The following KIF21A variants were observed in gnomAD, a reference collection of about 807,000 sequenced individuals.
KIF21A encodes kinesin family member 21A, also known as kinesin-like protein KIF21A.
A neutral mutation model predicts 202.9 loss-of-function variants in KIF21A; 114 were observed. The observed-to-expected ratio is 0.56, with a 90% CI of 0.48 to 0.66. The LOEUF (loss-of-function observed/expected upper bound fraction) is 0.66. Among genes scored for constraint, KIF21A ranks in the 30% least tolerant of loss-of-function variants. KIF21A has a pLI of 0.00. For missense variants in KIF21A, 1,677 were observed against 1,994.9 expected (o/e 0.84, Z 3.04); for synonymous variants, 667 against 670.8 (o/e 0.99, Z 0.09).
intron 1 of KIF21A, among the ~76,000 whole-genome samples, chr12:39,381,461 G>T (rs1950611250): frequency 6.6e-6 from 1 of 151,928 alleles, no homozygotes; most frequent in African/African-American, 2.4e-5. Context: ...TTGCTTCCTA[G>T]AAATCAAAAT....
rs776188144 is a variant in KIF21A, at chr12:39,326,391, A to G, written c.3341-67T>C. The stretch of plus-strand genomic sequence containing the variant: ...ACAGTTTGAATGGTGACTGCAATCC[A>G]TAGGCTGTAATAAACAACAGCTCAA... On this transcript the variant is annotated intron_variant, in intron 24 of 37. Transcript: ENST00000361418. 2.9e-6 allele frequency: 3 copies of G among 1,039,114 alleles called. No homozygotes were observed. The African/African-American group carries it at 4.7e-5, about 16-fold the overall frequency. 64.4% of individuals were successfully genotyped at this position (1,039,114 alleles called of 1,614,324 possible).
intron 37 of KIF21A, among the ~76,000 whole-genome samples, chr12:39,300,101 A>G (rs1292349506): frequency 6.6e-6 from 1 of 152,164 alleles, no homozygotes; most frequent in Non-Finnish European, 1.5e-5. Flanking sequence ...CCTGAACCTA[A>G]AATAAAAGTA....
rs965002733 is a variant in KIF21A at position 39,325,994 on chromosome 12, TG to T, written c.3402-102del. The T allele has an allele frequency of 1.1e-4, 91 of 822,484 alleles. No individual in the cohort carries two copies. The African/African-American group carries it at 1.5e-3, about 13-fold the overall frequency. 50.9% of individuals were successfully genotyped at this position (822,484 alleles called of 1,614,324 possible). On this transcript the variant is annotated intron_variant, in intron 25 of 37. Coordinates refer to ENST00000361418, the MANE Select transcript of KIF21A (RefSeq NM_001173464.2). ...CGACTACAAAAAATTTATATGCCTA[TG>T]GGAAATACAGAAAGACAATATTTAA...
chr12:39,301,709 T>C, intron 36 of KIF21A, 30 bp from the exon 37 acceptor site: 1 of 1,561,570 alleles, frequency 6.4e-7, no homozygotes, highest in South Asian at 1.1e-5. Context: ...ATCAGCAGCT[T>C]AAGGAGAGCT....
At chr12:39,317,376 A>G (rs1944667803) in intron 29 of KIF21A, among the ~76,000 whole-genome samples, 1 of 152,128 alleles carries the variant, frequency 6.6e-6, no homozygotes, top group African/African-American at 2.4e-5. Context: ...GTCCAAGCAG[A>G]CAAGTCAGAG....
intron 1 of KIF21A, among the ~76,000 whole-genome samples, chr12:39,421,742 T>TATATACAC (rs1555200427): frequency 2.1e-4 from 30 of 143,014 alleles, no homozygotes; most frequent in Non-Finnish European, 4.3e-4. Context: ...TATATATATA[T>TATATACAC]ACACATACAC....
intron 1 of KIF21A, among the ~76,000 whole-genome samples, chr12:39,418,625 G>A (rs1392565965): frequency 6.6e-6 from 1 of 152,196 alleles, no homozygotes; most frequent in East Asian, 1.9e-4. Context: ...TATGAATGGT[G>A]AGCACTCAAG....
In KIF21A at chr12:39,416,813, G is replaced by GTATATATATATA. The variant is rs531554239; in HGVS notation, c.44+26113_44+26114insTATATATATATA. Among the ~76,000 whole-genome samples, 9 of 98,692 alleles carry GTATATATATATA rather than the reference G, an allele frequency of 9.1e-5. 1 individual carries two copies. The South Asian group carries it at 1.8e-3, about 20-fold the overall frequency. The allele number at this position is 98,692 out of a possible 152,430, so 64.7% of individuals were successfully genotyped here. ...TGTATATATATGTACATATATATGT[G>GTATATATATATA]TGTATATATGTACATATATGTGTAT... On this transcript the variant is annotated intron_variant, in intron 1 of 37. Transcript: ENST00000361418.
chr12:39,348,882 A>G (rs1002117398), intron 11 of KIF21A, among the ~76,000 whole-genome samples: 1 of 151,966 alleles, frequency 6.6e-6, no homozygotes, highest in Non-Finnish European at 1.5e-5. Flanking sequence ...GGATTAATGT[A>G]CTCTCTTTAA....
chr12:39,297,526 G>T lies in KIF21A; in HGVS notation c.4932-3009C>A, dbSNP rs553312259. The stretch of plus-strand genomic sequence containing the variant: ...ACCGCATATTCTCACTCATAGGTGG[G>T]AAGTGAACAATGAGAACACATGGAC... On this transcript the variant is annotated intron_variant, in intron 37 of 37. Coordinates refer to ENST00000361418, the MANE Select transcript of KIF21A (RefSeq NM_001173464.2). Among the ~76,000 whole-genome samples, 7 of 137,812 alleles carry T rather than the reference G, an allele frequency of 5.1e-5. No homozygotes were observed. In the South Asian group the frequency reaches 1.7e-3, roughly 33 times the overall value. 90.4% of individuals were successfully genotyped at this position (137,812 alleles called of 152,430 possible).
rs570467981 is a variant in KIF21A, at chr12:39,294,646, T to C, written c.4932-129A>G. ...CAAGAAATCCAAGTATAAATATGCATTGTCTCATTTATATAGCAAACACAT... is the reference window on the plus strand; with the variant it reads ...CAAGAAATCCAAGTATAAATATGCACTGTCTCATTTATATAGCAAACACAT... On this transcript the variant is annotated intron_variant, in intron 37 of 37. Coordinates refer to ENST00000361418, the MANE Select transcript of KIF21A (RefSeq NM_001173464.2). 4.3e-6 allele frequency: 3 copies of C among 701,372 alleles called. No individual in the cohort carries two copies. In the African/African-American group the frequency reaches 5.3e-5, roughly 12 times the overall value. The allele number at this position is 701,372 out of a possible 1,614,324, so 43.4% of individuals were successfully genotyped here. A position where few individuals can be genotyped will look rare whatever the true frequency, so the allele number is the denominator to read the frequency against.
intron 1 of KIF21A, among the ~76,000 whole-genome samples, chr12:39,441,154 C>G (rs949355288): frequency 6.6e-6 from 1 of 151,996 alleles, no homozygotes; most frequent in Non-Finnish European, 1.5e-5. Context: ...AGCCTTTCCC[C>G]AAAAATCAAA....
At chr12:39,437,434 TC>T (rs965506887) in intron 1 of KIF21A, among the ~76,000 whole-genome samples, 8 of 152,340 alleles carry the variant, frequency 5.3e-5, no homozygotes, top group Non-Finnish European at 8.8e-5. Flanking sequence ...ACTTGCATTA[TC>T]TGCTGGCTTT....
At chr12:39,361,548 G>A (rs1287855483) in intron 7 of KIF21A, among the ~76,000 whole-genome samples, 2 of 134,328 alleles carry the variant, frequency 1.5e-5, no homozygotes, top group Non-Finnish European at 3.1e-5. Flanking sequence ...TTGAGACGGA[G>A]TCTCGCTCTG....
intron 27 of KIF21A, among the ~76,000 whole-genome samples, chr12:39,320,341 T>A (rs1352482463): frequency 6.6e-6 from 1 of 152,110 alleles, no homozygotes; most frequent in Non-Finnish European, 1.5e-5. Flanking sequence ...TTATTTCAGA[T>A]GAAGAAAAAT....
At chr12:39,381,823 G>C (rs1420918873) in intron 1 of KIF21A, among the ~76,000 whole-genome samples, 2 of 152,142 alleles carry the variant, frequency 1.3e-5, no homozygotes, top group Non-Finnish European at 2.9e-5. Flanking sequence ...TAATCAAAGG[G>C]AAATCATCCT....
At chr12:39,339,261 T>A (rs940413306) in intron 16 of KIF21A, among the ~76,000 whole-genome samples, 14 of 151,692 alleles carry the variant, frequency 9.2e-5, no homozygotes, top group Admixed American at 2.6e-4. Context: ...AGTGTACCAT[T>A]TTTTTATCTT....
chr12:39,331,693 A>T lies in KIF21A; in HGVS notation c.3150T>A (p.Asn1050Lys). 1 of 1,604,752 alleles carries T rather than the reference A, an allele frequency of 6.2e-7. No individual in the cohort carries two copies. The highest frequency in any genetic ancestry group is 2.2e-5 in the East Asian group (1 of 44,768). ...TAACAGTGTGGTTGTATCTTACCTT[A>T]TTGATGCCCATTGACAGGAAGTGAT... ...LLDHFLSMGI[N>K]KGLQAAQKEA... Residue 1050 changes from asparagine (N) to lysine (K), a missense_variant, in exon 22 of 38, where the codon AAT becomes AAA. Asn to Lys is a moderately conservative substitution (Grantham distance 94). Around this residue, in one of 3 missense-constraint regions of KIF21A, gnomAD observed 705 missense variants for 791.9 expected, o/e 0.89. Coordinates refer to ENST00000361418, the MANE Select transcript of KIF21A (RefSeq NM_001173464.2).
chr12:39,442,477 G>C lies in KIF21A; in HGVS notation c.44+450C>G, dbSNP rs1473502702. On this transcript the variant is annotated intron_variant, in intron 1 of 37. Coordinates refer to ENST00000361418, the MANE Select transcript of KIF21A (RefSeq NM_001173464.2). The surrounding 1 kb of genome is among the most constrained non-coding windows in gnomAD (Gnocchi z 5.0). ...GTCAGATGCTTTGTCTCCTGCCTGG[G>C]AAGGCCGGAGCTGCATGGACACGTA... is the stretch of plus-strand genomic sequence containing the variant. 2.0e-5 allele frequency among the ~76,000 whole-genome samples: 3 copies of C among 152,136 alleles called. No individual in the cohort carries two copies. The highest frequency in any genetic ancestry group is 7.2e-5 in the African/African-American group (3 of 41,446).
Sources: gnomAD v4.1 joint callset for allele counts (sites outside exome capture counted in the v4.1 genomes callset) on GRCh38, gnomAD v4.1.1 for gene constraint, gnomAD v4.1.1 regional missense constraint, Gnocchi (gnomAD v3.1) non-coding constraint, MANE v1.5 for transcripts, NCBI Gene and HGNC (gene_info 2026-07-23, HGNC 2026-07-21) for gene names.